Variants in RTL4 observed in about 807,000 individuals in gnomAD.
RTL4 encodes retrotransposon Gag like 4, also known as retrotransposon Gag-like protein 4.
In RTL4, 4 loss-of-function variants were observed where a neutral mutation model predicts 5.3. The ratio of observed to expected loss-of-function variants is 0.75; its 90% CI spans 0.37 to 1.72. The LOEUF is 1.72. Among genes scored for constraint, RTL4 ranks in the 40% most tolerant of loss-of-function variants. RTL4 has a pLI of 0.04. For synonymous variants in RTL4, 98 were observed against 87.3 expected (o/e 1.12, Z -0.68); for missense variants, 260 against 227.1 (o/e 1.14, Z -0.93).
chrX:112,305,680 T>G, the RTL4 span, among the ~76,000 whole-genome samples: 1 of 111,995 alleles, frequency 8.9e-6, no homozygotes, highest in Non-Finnish European at 1.9e-5. Context: ...CATACCTTTT[T>G]AAATAAGTAC....
At chrX:112,434,913 A>G in the RTL4 span, among the ~76,000 whole-genome samples, 2 of 111,350 alleles carry the variant, frequency 1.8e-5, no homozygotes, top group Admixed American at 9.6e-5. Context: ...ACAGTTCTGC[A>G]TTGCTGGGAA....
the RTL4 span, among the ~76,000 whole-genome samples, chrX:112,264,171 C>G: frequency 1.8e-5 from 2 of 111,797 alleles, no homozygotes; most frequent in African/African-American, 3.3e-5. Flanking sequence ...ATGACGACTG[C>G]TACTACTACT....
At chrX:112,148,035 T>A in the RTL4 span, among the ~76,000 whole-genome samples, 13 of 111,412 alleles carry the variant, frequency 1.2e-4, no homozygotes, top group Non-Finnish European at 2.3e-4. Context: ...CACCTTTCTG[T>A]CACATTCACC....
the RTL4 span, among the ~76,000 whole-genome samples, chrX:112,367,277 T>G: frequency 9.0e-6 from 1 of 111,622 alleles, no homozygotes; most frequent in Non-Finnish European, 1.9e-5. Flanking sequence ...TCAATCATGA[T>G]GACAGCTGCA....
At chrX:112,184,814 T>C in the RTL4 span, among the ~76,000 whole-genome samples, 1 of 112,137 alleles carries the variant, frequency 8.9e-6, no homozygotes, top group Non-Finnish European at 1.9e-5. Flanking sequence ...GATTTATGAC[T>C]AGGTAAAGCA....
the RTL4 span, among the ~76,000 whole-genome samples, chrX:112,351,678 T>C: frequency 9.1e-6 from 1 of 109,676 alleles, no homozygotes; most frequent in Non-Finnish European, 1.9e-5. Flanking sequence ...TATCAGAGAC[T>C]AGGATTGCAA....
the RTL4 span, among the ~76,000 whole-genome samples, chrX:112,443,888 G>A: frequency 1.8e-5 from 2 of 111,333 alleles, no homozygotes; most frequent in Non-Finnish European, 3.8e-5. Context: ...CATTCTGTGG[G>A]TTGTCTCTCC....
At chrX:112,306,581 T>C in the RTL4 span, among the ~76,000 whole-genome samples, 2 of 111,294 alleles carry the variant, frequency 1.8e-5, no homozygotes, top group African/African-American at 6.5e-5. Flanking sequence ...TTAACTAGCA[T>C]GCTTTTCTTT....
chrX:112,251,433 C>T, the RTL4 span, among the ~76,000 whole-genome samples: 8 of 111,434 alleles, frequency 7.2e-5, no homozygotes, highest in Non-Finnish European at 1.3e-4. Flanking sequence ...GTGGTGTGGG[C>T]CCTGTTTATA....
the RTL4 span, among the ~76,000 whole-genome samples, chrX:112,319,729 G>T: frequency 0.014 from 1,610 of 111,450 alleles, 22 homozygotes; most frequent in African/African-American, 0.049. Context: ...TTGTATAAAT[G>T]GAATTATATA....
the RTL4 span, among the ~76,000 whole-genome samples, chrX:112,417,659 G>A: frequency 4.5e-5 from 5 of 110,749 alleles, no homozygotes; most frequent in Admixed American, 4.8e-4. Flanking sequence ...GATTTGCCAT[G>A]GTCTACTTCA....
At chrX:112,424,789 A>T in the RTL4 span, among the ~76,000 whole-genome samples, 3 of 110,889 alleles carry the variant, frequency 2.7e-5, no homozygotes, top group African/African-American at 9.8e-5. Flanking sequence ...GAGCAGTTTT[A>T]GGCTCATAAC....
chrX:112,174,810 A>G, the RTL4 span, among the ~76,000 whole-genome samples: 1 of 98,772 alleles, frequency 1.0e-5, no homozygotes, highest in East Asian at 3.3e-4. Flanking sequence ...TGTGGTTTTG[A>G]TTTGCATTTC....
the RTL4 span, among the ~76,000 whole-genome samples, chrX:112,096,254 G>T: frequency 8.9e-6 from 1 of 112,258 alleles, no homozygotes; most frequent in African/African-American, 3.2e-5. Context: ...CTGGGTTATA[G>T]TAACTGCCAC....
the RTL4 span, among the ~76,000 whole-genome samples, chrX:112,306,643 A>G: frequency 9.0e-6 from 1 of 111,449 alleles, no homozygotes; most frequent in Non-Finnish European, 1.9e-5. Context: ...AAGAGGGGAA[A>G]GATGGAAGGA....
chrX:112,301,862 G>A, the RTL4 span, among the ~76,000 whole-genome samples: 1 of 109,568 alleles, frequency 9.1e-6, no homozygotes, highest in Admixed American at 9.8e-5. Context: ...CTACTCAGGA[G>A]GCTGAGGCAA....
At chrX:112,372,094 G>A in the RTL4 span, among the ~76,000 whole-genome samples, 17 of 111,229 alleles carry the variant, frequency 1.5e-4, no homozygotes, top group African/African-American at 5.5e-4. Flanking sequence ...AACATTTATG[G>A]CACTGCAGAA....
At chrX:112,382,027 A>G in the RTL4 span, 8 of 1,207,810 alleles carry the variant, frequency 6.6e-6, no homozygotes, top group Non-Finnish European at 9.0e-6. Flanking sequence ...TAATTGAGCA[A>G]GCCCAGAAAC....
At chrX:112,236,281 C>T in the RTL4 span, among the ~76,000 whole-genome samples, 1 of 105,946 alleles carries the variant, frequency 9.4e-6, no homozygotes, top group Non-Finnish European at 1.9e-5. Context: ...GCCCCAGTTT[C>T]CTTATTTAAA....
Sources: allele counts gnomAD v4.1 joint callset (sites outside exome capture counted in the v4.1 genomes callset), GRCh38; gene constraint gnomAD v4.1.1; transcripts MANE v1.5; gene names NCBI Gene and HGNC (gene_info 2026-07-23, HGNC 2026-07-21).